RAPGEF2: variants seen among roughly 807,000 people sequenced by gnomAD.
RAPGEF2 encodes PDZ domain containing guanine nucleotide exchange factor (GEF) 1.
A neutral mutation model predicts 186.7 loss-of-function variants in RAPGEF2; 54 were observed. The ratio of observed to expected loss-of-function variants is 0.29; its 90% CI spans 0.23 to 0.36. The LOEUF (loss-of-function observed/expected upper bound fraction) is 0.36, where lower values mean the gene tolerates loss of function less well. Among genes scored for constraint, RAPGEF2 ranks in the 10% least tolerant of loss-of-function variants. RAPGEF2 has a pLI of 1.00. For synonymous variants in RAPGEF2, 712 were observed against 705.9 expected (o/e 1.01, Z -0.14); for missense variants, 1,532 against 2,045.0 (o/e 0.75, Z 4.84).
chr4:159,172,659 C>T lies in RAPGEF2; in HGVS notation c.70-13983C>T, dbSNP rs187804893. ...AAGTTGTAATGCACGCATGCTACTT[C>T]CTCTGTAAGTGGGGGAGGTAGAACA... On this transcript the variant is annotated intron_variant, in intron 1 of 29. Coordinates refer to ENST00000691494, the MANE Select transcript of RAPGEF2 (RefSeq NM_001394067.2). Among the ~76,000 whole-genome samples, 130 of 152,208 alleles carry T rather than the reference C, an allele frequency of 8.5e-4. 2 individuals are homozygous for T. Among genetic ancestry groups the T allele is most frequent in the Admixed American group, 4.1e-3 (63 of 15,266 alleles).
At chr4:159,262,970 G>C (rs983247068) in intron 7 of RAPGEF2, among the ~76,000 whole-genome samples, 3 of 152,096 alleles carry the variant, frequency 2.0e-5, no homozygotes, top group Non-Finnish European at 2.9e-5. Context: ...GATTCACTTA[G>C]ATGTTTAGTT....
At chr4:159,302,403 A>G (rs1579844885) in intron 7 of RAPGEF2, among the ~76,000 whole-genome samples, 1 of 152,234 alleles carries the variant, frequency 6.6e-6, no homozygotes, top group South Asian at 2.1e-4. Context: ...GATAATCAAT[A>G]GAAATCAGTT....
At chr4:159,278,731 G>A (rs548104778) in intron 7 of RAPGEF2, among the ~76,000 whole-genome samples, 8 of 152,294 alleles carry the variant, frequency 5.3e-5, no homozygotes, top group African/African-American at 1.7e-4. Flanking sequence ...CTCATTCGCT[G>A]TGTGACCCTG....
intron 7 of RAPGEF2, among the ~76,000 whole-genome samples, chr4:159,298,012 A>G (rs538352003): frequency 7.2e-5 from 11 of 152,356 alleles, no homozygotes; most frequent in African/African-American, 1.7e-4. Flanking sequence ...TGAGCCTGGT[A>G]AGAAGCTGGA....
chr4:159,213,924 C>T (rs1750758184), intron 4 of RAPGEF2, among the ~76,000 whole-genome samples: 1 of 152,158 alleles, frequency 6.6e-6, no homozygotes, highest in Non-Finnish European at 1.5e-5. Flanking sequence ...GATATTTATA[C>T]AAGTGCCTGT....
At chr4:159,117,366 C>T (rs2111082993) in intron 1 of RAPGEF2, among the ~76,000 whole-genome samples, 1 of 152,208 alleles carries the variant, frequency 6.6e-6, no homozygotes, top group Admixed American at 6.5e-5. Flanking sequence ...TGCTTAGAGC[C>T]CCAAAAGTTC....
At chr4:159,318,665 GA>G (rs1183389130) in intron 9 of RAPGEF2, among the ~76,000 whole-genome samples, 1 of 151,976 alleles carries the variant, frequency 6.6e-6, no homozygotes, top group Non-Finnish European at 1.5e-5. Flanking sequence ...CTCCATTATT[GA>G]ATAGTTTTAA....
chr4:159,183,987 TG>T (rs907030212), intron 1 of RAPGEF2, among the ~76,000 whole-genome samples: 1 of 152,158 alleles, frequency 6.6e-6, no homozygotes, highest in African/African-American at 2.4e-5. Flanking sequence ...TGAGAACGTG[TG>T]GTGTTTGGTT....
At chr4:159,217,570 G>A (rs1561097708) in intron 4 of RAPGEF2, among the ~76,000 whole-genome samples, 1 of 152,210 alleles carries the variant, frequency 6.6e-6, no homozygotes, top group Non-Finnish European at 1.5e-5. Context: ...ATGGGCACCT[G>A]GGTTGATTCC....
chr4:159,305,697 TG>T (rs1410874541), intron 8 of RAPGEF2, among the ~76,000 whole-genome samples: 1 of 152,138 alleles, frequency 6.6e-6, no homozygotes, highest in East Asian at 1.9e-4. Context: ...CCCATTTGTC[TG>T]TTTTTGTTGC....
At chr4:159,258,265 TATTC>T (rs1483947760) in intron 7 of RAPGEF2, among the ~76,000 whole-genome samples, 1 of 152,226 alleles carries the variant, frequency 6.6e-6, no homozygotes, top group Non-Finnish European at 1.5e-5. Flanking sequence ...TTTGTTTGTT[TATTC>T]ATTTATTTAT....
chr4:159,144,888 T>G (rs1579299278), intron 1 of RAPGEF2, among the ~76,000 whole-genome samples: 1 of 52,864 alleles, frequency 1.9e-5, no homozygotes, highest in Non-Finnish European at 4.1e-5. Flanking sequence ...TGTTTTTTTT[T>G]TTTTTTTTTT....
chr4:159,154,022 G>A (rs923910220), intron 1 of RAPGEF2, among the ~76,000 whole-genome samples: 1 of 152,096 alleles, frequency 6.6e-6, no homozygotes, highest in African/African-American at 2.4e-5. Flanking sequence ...GGTTAGATAC[G>A]GAATCTGACA....
At chr4:159,261,581 T>C (rs1360680927) in intron 7 of RAPGEF2, among the ~76,000 whole-genome samples, 1 of 152,232 alleles carries the variant, frequency 6.6e-6, no homozygotes, top group Non-Finnish European at 1.5e-5. Flanking sequence ...AGATCCACCC[T>C]TTAATCCTCT....
At position 159,355,302 on chromosome 4, in the gene RAPGEF2, T is replaced by C. The variant is rs187775574; in HGVS notation, c.4652-551T>C. On this transcript the variant is annotated intron_variant, in intron 28 of 29. Coordinates refer to ENST00000691494, the MANE Select transcript of RAPGEF2 (RefSeq NM_001394067.2). ...TTAGAATTTTTAAATTGGTATCCTTTGTGCGACTTTTCCAAATTTATTTTA... is the reference window on the plus strand; with the variant it reads ...TTAGAATTTTTAAATTGGTATCCTTCGTGCGACTTTTCCAAATTTATTTTA... Among the ~76,000 whole-genome samples the C allele has an allele frequency of 2.7e-3, 407 of 152,338 alleles. 1 individual carries two copies. The highest frequency in any genetic ancestry group is 8.7e-3 in the African/African-American group (361 of 41,578).
At position 159,175,938 on chromosome 4, in the gene RAPGEF2, G is replaced by T. The variant is rs1746408903; in HGVS notation, c.70-10704G>T. Among the ~76,000 whole-genome samples the T allele has an allele frequency of 3.9e-5, 6 of 152,196 alleles. No homozygotes were observed. In the South Asian group the frequency reaches 1.2e-3, roughly 32 times the overall value. On this transcript the variant is annotated intron_variant, in intron 1 of 29. Transcript: ENST00000691494. ...CTAGATGCAGAGCTGAGAAAGAGAT[G>T]TAAGAGAAGACGAGTGTCTTTGTTC... is the stretch of plus-strand genomic sequence containing the variant.
chr4:159,165,812 C>T lies in RAPGEF2; in HGVS notation c.70-20830C>T, dbSNP rs546865198. 6.6e-5 allele frequency among the ~76,000 whole-genome samples: 10 copies of T among 152,148 alleles called. 1 individual carries two copies. The East Asian group carries it at 1.4e-3, about 21-fold the overall frequency. ...CTCGCTATGTTGCCCAGGCTGGTCT[C>T]GAATTTATGGGCTCAGGCAGTCCTC... On this transcript the variant is annotated intron_variant, in intron 1 of 29. Transcript: ENST00000691494.
chr4:159,141,375 G>A (rs757392125), intron 1 of RAPGEF2, among the ~76,000 whole-genome samples: 12 of 152,016 alleles, frequency 7.9e-5, no homozygotes, highest in Non-Finnish European at 1.6e-4. Context: ...ATTCTGTCCA[G>A]CAGCACAGTA....
At chr4:159,287,330 A>G (rs1408225441) in intron 7 of RAPGEF2, among the ~76,000 whole-genome samples, 1 of 152,108 alleles carries the variant, frequency 6.6e-6, no homozygotes, top group Admixed American at 6.6e-5. Flanking sequence ...GGAAATAAAT[A>G]TTGTTTACCT....
Sources: gnomAD v4.1 joint callset for allele counts (sites outside exome capture counted in the v4.1 genomes callset) on GRCh38, gnomAD v4.1.1 for gene constraint, MANE v1.5 for transcripts, NCBI Gene and HGNC (gene_info 2026-07-23, HGNC 2026-07-21) for gene names.